ANGPT1: variants seen among roughly 807,000 people sequenced by gnomAD.
The protein encoded by ANGPT1 is angiopoietin-1.
A neutral mutation model predicts 62.2 loss-of-function variants in ANGPT1; 17 were observed. That is an observed-to-expected ratio of 0.27 (90% CI 0.19 to 0.41). The LOEUF is 0.41. Among genes scored for constraint, ANGPT1 ranks in the 10% least tolerant of loss-of-function variants. The probability of loss-of-function intolerance (pLI) is 1.00; values close to 1 mark genes in which losing one functional copy is unlikely to be tolerated. For synonymous variants in ANGPT1, 199 were observed against 198.9 expected (o/e 1.00, Z 0.00); for missense variants, 478 against 594.9 (o/e 0.80, Z 2.04).
intron 1 of ANGPT1, among the ~76,000 whole-genome samples, chr8:107,455,884 A>G (rs1001155095): frequency 1.3e-5 from 2 of 152,026 alleles, no homozygotes; most frequent in African/African-American, 4.8e-5. Flanking sequence ...AAGCATGGCA[A>G]CAGCCTCAGA....
chr8:107,496,632 T>C (rs1394422297), intron 1 of ANGPT1, among the ~76,000 whole-genome samples: 1 of 152,196 alleles, frequency 6.6e-6, no homozygotes, highest in Non-Finnish European at 1.5e-5. Flanking sequence ...CAGTTAACAT[T>C]ACAATGTATC....
intron 1 of ANGPT1, among the ~76,000 whole-genome samples, chr8:107,463,317 G>T (rs1431746090): frequency 2.6e-5 from 4 of 152,190 alleles, no homozygotes; most frequent in Non-Finnish European, 5.9e-5. Context: ...CTAACACCTT[G>T]ATTATGGCCT....
intron 1 of ANGPT1, among the ~76,000 whole-genome samples, chr8:107,429,648 G>GAAAAAAAAAAAA (rs34291237): frequency 8.4e-6 from 1 of 119,124 alleles, no homozygotes. Context: ...GCTCCAGGAG[G>GAAAAAAAAAAAA]AAAAAAAAAA....
intron 3 of ANGPT1, among the ~76,000 whole-genome samples, chr8:107,333,148 T>C (rs1294209364): frequency 2.0e-5 from 3 of 152,160 alleles, no homozygotes; most frequent in Admixed American, 6.5e-5. Context: ...TTTATTTGTA[T>C]AAAGAAAAAC....
intron 4 of ANGPT1, among the ~76,000 whole-genome samples, chr8:107,308,657 A>G (rs1055370003): frequency 1.3e-5 from 2 of 152,218 alleles, no homozygotes; most frequent in Non-Finnish European, 2.9e-5. Context: ...AGAGCCTGGT[A>G]TGCTAGTTCA....
At chr8:107,304,076 C>T (rs572353032) in intron 4 of ANGPT1, among the ~76,000 whole-genome samples, 7 of 151,828 alleles carry the variant, frequency 4.6e-5, no homozygotes, top group African/African-American at 1.7e-4. Context: ...GCAGATGATA[C>T]ACAAATAAAA....
chr8:107,274,053 C>T (rs571676344), intron 7 of ANGPT1, among the ~76,000 whole-genome samples: 1 of 152,114 alleles, frequency 6.6e-6, no homozygotes, highest in East Asian at 1.9e-4. Flanking sequence ...TTTCCTTCTC[C>T]TAAACTATTA....
chr8:107,484,239 G>A (rs1261690438), intron 1 of ANGPT1, among the ~76,000 whole-genome samples: 1 of 152,112 alleles, frequency 6.6e-6, no homozygotes, highest in African/African-American at 2.4e-5. Context: ...CTGCCTCAAA[G>A]TAAATATGTA....
intron 1 of ANGPT1, among the ~76,000 whole-genome samples, chr8:107,394,107 A>G (rs187849401): frequency 2.8e-4 from 42 of 152,304 alleles, no homozygotes; most frequent in African/African-American, 7.5e-4. Flanking sequence ...GGGACTGTGA[A>G]AGATACCGGT....
chr8:107,307,851 C>T lies in ANGPT1; in HGVS notation c.809-4484G>A, dbSNP rs72672518. 4.6e-3 allele frequency among the ~76,000 whole-genome samples: 699 copies of T among 152,258 alleles called. 3 individuals are homozygous for T. Among genetic ancestry groups the T allele is most frequent in the Non-Finnish European group, 7.9e-3 (539 of 68,014 alleles). On this transcript the variant is annotated intron_variant, in intron 4 of 8. Coordinates refer to ENST00000517746, the MANE Select transcript of ANGPT1 (RefSeq NM_001146.5). ...ACCTTCAGATTCATATATCTACTTG[C>T]CTGTTGGGCAGTCCTTCCTGCTACA...
intron 1 of ANGPT1, among the ~76,000 whole-genome samples, chr8:107,470,169 A>T (rs190299639): frequency 2.0e-5 from 3 of 152,126 alleles, no homozygotes; most frequent in African/African-American, 7.2e-5. Flanking sequence ...TAAATATTCA[A>T]TAAAATGATA....
intron 1 of ANGPT1, among the ~76,000 whole-genome samples, chr8:107,385,794 G>T (rs998622984): frequency 1.3e-5 from 2 of 151,962 alleles, no homozygotes; most frequent in African/African-American, 4.8e-5. Flanking sequence ...AATATTTTAA[G>T]GTATGTACCT....
At chr8:107,264,411 A>G in intron 7 of ANGPT1, 60 bp from the exon 8 acceptor site, 2 of 1,565,656 alleles carry the variant, frequency 1.3e-6, no homozygotes, top group South Asian at 2.4e-5. Flanking sequence ...AGAACCCAGA[A>G]GACCAGCTTG....
intron 1 of ANGPT1, among the ~76,000 whole-genome samples, chr8:107,419,707 G>GGA (rs944384879): frequency 3.0e-4 from 46 of 152,202 alleles, no homozygotes; most frequent in African/African-American, 1.1e-3. Flanking sequence ...ACAGAGACAA[G>GGA]GAGAGAGAGA....
chr8:107,291,748 G>C (rs1319973497), intron 6 of ANGPT1, among the ~76,000 whole-genome samples: 1 of 151,974 alleles, frequency 6.6e-6, no homozygotes, highest in Non-Finnish European at 1.5e-5. Flanking sequence ...AAGTCTTTTT[G>C]TTTTTGAATA....
intron 6 of ANGPT1, 63 bp downstream of exon 6, chr8:107,293,873 T>G: frequency 1.6e-6 from 2 of 1,270,698 alleles, no homozygotes; most frequent in Admixed American, 4.1e-5. Flanking sequence ...ATTCATCATA[T>G]AGTATGGAGA....
chr8:107,453,794 C>T (rs76705237), intron 1 of ANGPT1, among the ~76,000 whole-genome samples: 1 of 151,268 alleles, frequency 6.6e-6, no homozygotes, highest in African/African-American at 2.4e-5. Flanking sequence ...ATTTAAATGA[C>T]TATTAAATGA....
intron 1 of ANGPT1, among the ~76,000 whole-genome samples, chr8:107,471,191 T>C (rs1338921033): frequency 6.6e-6 from 1 of 152,080 alleles, no homozygotes; most frequent in African/African-American, 2.4e-5. Flanking sequence ...GTGGCACATA[T>C]ACACCATGGA....
chr8:107,394,958 TA>T (rs1438807255), intron 1 of ANGPT1, among the ~76,000 whole-genome samples: 2 of 152,290 alleles, frequency 1.3e-5, no homozygotes, highest in African/African-American at 2.4e-5. Context: ...GTGATCCAGT[TA>T]TTTTTTTTAA....
Sources: gnomAD v4.1 joint callset for allele counts (sites outside exome capture counted in the v4.1 genomes callset) on GRCh38, gnomAD v4.1.1 for gene constraint, MANE v1.5 for transcripts, NCBI Gene and HGNC (gene_info 2026-07-23, HGNC 2026-07-21) for gene names.